Variants in PIKFYVE observed in about 807,000 individuals in gnomAD.
PIKFYVE encodes 1-phosphatidylinositol 3-phosphate 5-kinase.
Under a neutral mutation model 257.9 loss-of-function variants are expected in PIKFYVE, and 122 were observed. The observed-to-expected ratio is 0.47, with a 90% CI of 0.41 to 0.55. The LOEUF is 0.55. PIKFYVE is among the 20% of genes least tolerant of loss of function. The pLI is 0.00. For missense variants in PIKFYVE, 2,160 were observed against 2,536.6 expected (o/e 0.85, Z 3.19); for synonymous variants, 892 against 868.9 (o/e 1.03, Z -0.47).
Position 208,354,566 on chromosome 2 carries a change from C to T in PIKFYVE, c.6107-5C>T. ...ATTGCTAATTTCACTCCTTCTACCCCCCAGATTATATTCGAACATTTACAT... is the reference window on the plus strand; with the variant it reads ...ATTGCTAATTTCACTCCTTCTACCCTCCAGATTATATTCGAACATTTACAT... On this transcript the variant is annotated splice_polypyrimidine_tract_variant and splice_region_variant and intron_variant, in intron 40 of 41. Transcript: ENST00000264380. 6.2e-7 allele frequency: 1 copy of T among 1,608,902 alleles called. No individual in the cohort carries two copies. Among genetic ancestry groups the T allele is most frequent in the African/African-American group, 1.3e-5 (1 of 74,906 alleles).
chr2:208,304,794 T>G, intron 11 of PIKFYVE, 52 bp from the exon 12 acceptor site: 1 of 1,576,484 alleles, frequency 6.3e-7, no homozygotes, highest in South Asian at 1.1e-5. Context: ...ATAAAACCCA[T>G]TTTTACTCCC....
intron 29 of PIKFYVE, 40 bp from the exon 30 acceptor site, chr2:208,339,378 T>G: frequency 1.9e-6 from 3 of 1,605,446 alleles, no homozygotes; most frequent in Non-Finnish European, 2.6e-6. Context: ...ATGGACTTAA[T>G]GTATGTAAAT....
chr2:208,307,347 A>G (rs1297116497), intron 12 of PIKFYVE, among the ~76,000 whole-genome samples: 7 of 152,230 alleles, frequency 4.6e-5, no homozygotes, highest in Non-Finnish European at 1.0e-4. Context: ...TCTTTAGACT[A>G]ACTTTATCAG....
Position 208,328,272 on chromosome 2 carries a change from C to G in PIKFYVE, c.3711C>G (p.Val1237=). 1 of 1,613,746 alleles carries G rather than the reference C, an allele frequency of 6.2e-7. No homozygotes were observed. Among genetic ancestry groups the G allele is most frequent in the Non-Finnish European group, 8.5e-7 (1 of 1,179,816 alleles). The change falls in exon 21 of 42, where the codon GTC becomes GTG. Residue 1237 remains valine, a synonymous_variant. Coordinates refer to ENST00000264380, the MANE Select transcript of PIKFYVE (RefSeq NM_015040.4). The part of the protein sequence containing the change: ...AQSSNAPSAC[V]SPWIVTMEFY... ...CCAGCAATGCTCCTAGTGCCTGTGT[C>G]AGTCCTTGGTAGGATTCTTTTCCCC...
At chr2:208,344,674 G>A (rs748089663) in intron 32 of PIKFYVE, among the ~76,000 whole-genome samples, 1 of 149,528 alleles carries the variant, frequency 6.7e-6, no homozygotes, top group Admixed American at 6.7e-5. Flanking sequence ...CTAAGAGTCA[G>A]GTTTTTTTTT....
chr2:208,315,200 AATC>A lies in PIKFYVE; in HGVS notation c.1837_1839del (p.His613del). The stretch of plus-strand genomic sequence containing the variant: ...CTTATAATATTTTTGTAGTTCAGCT[AATC>A]ATAACCACATGATGGCACTACTCCA... On this transcript the variant is annotated inframe_deletion, in exon 15 of 42. Transcript: ENST00000264380. The A allele has an allele frequency of 6.2e-7, 1 of 1,613,268 alleles. No individual in the cohort carries two copies. The highest frequency in any genetic ancestry group is 8.5e-7 in the Non-Finnish European group (1 of 1,179,286).
intron 35 of PIKFYVE, among the ~76,000 whole-genome samples, chr2:208,348,599 AGTGTGTGTGTGTGTGT>A (rs35997291): frequency 7.8e-5 from 10 of 128,986 alleles, no homozygotes; most frequent in African/African-American, 1.2e-4. Flanking sequence ...AAAAAAAAAA[AGTGTGTGTGTGTGTGT>A]GTGTGTGTGT....
intron 31 of PIKFYVE, among the ~76,000 whole-genome samples, chr2:208,340,555 T>TA (rs1698599500): frequency 6.6e-6 from 1 of 152,230 alleles, no homozygotes; most frequent in Admixed American, 6.5e-5. Context: ...ATCTTTTTTT[T>TA]ATGGGGTGCA....
intron 37 of PIKFYVE, among the ~76,000 whole-genome samples, 185 bp from the exon 38 acceptor site, chr2:208,351,167 T>C (rs919122519): frequency 6.6e-6 from 1 of 152,228 alleles, no homozygotes; most frequent in African/African-American, 2.4e-5. Context: ...TTTTTGACTA[T>C]ATAAATCCAC....
chr2:208,304,729 G>A (rs1694109925), intron 11 of PIKFYVE, 117 bp from the exon 12 acceptor site: 2 of 941,780 alleles, frequency 2.1e-6, no homozygotes, highest in Non-Finnish European at 1.7e-6. Flanking sequence ...TTTTGGTATT[G>A]CACATTGGGC....
intron 7 of PIKFYVE, among the ~76,000 whole-genome samples, chr2:208,294,661 G>C (rs769834488): frequency 6.6e-6 from 1 of 152,100 alleles, no homozygotes; most frequent in Non-Finnish European, 1.5e-5. Context: ...AGGTGAGACA[G>C]AATGGCTGGA....
chr2:208,269,850 G>T, intron 1 of PIKFYVE: 1 of 292,234 alleles, frequency 3.4e-6, no homozygotes, highest in Admixed American at 4.4e-5. Context: ...TGGGATAGCT[G>T]GCTCAGCTTT....
Position 208,324,226 on chromosome 2 carries a change from A to T in PIKFYVE, c.2275A>T (p.Ile759Phe). ...LVLVEKTVSR[I>F]AQDMLLEHGI... The stretch of plus-strand genomic sequence containing the variant: ...TCTTGTTGAGAAAACAGTGTCTCGG[A>T]TTGCCCAGGACATGTTATTGGAACA... Residue 759 changes from isoleucine to phenylalanine, a missense_variant, in exon 18 of 42, where the codon ATT becomes TTT. Physicochemically the swap from Ile to Phe is conservative, Grantham distance 21. Coordinates refer to ENST00000264380, the MANE Select transcript of PIKFYVE (RefSeq NM_015040.4). 6.2e-7 allele frequency: 1 copy of T among 1,614,000 alleles called. No homozygotes were observed. The highest frequency in any genetic ancestry group is 8.5e-7 in the Non-Finnish European group (1 of 1,179,920).
chr2:208,309,310 A>G (rs1213356473), intron 12 of PIKFYVE, among the ~76,000 whole-genome samples: 1 of 152,220 alleles, frequency 6.6e-6, no homozygotes, highest in Non-Finnish European at 1.5e-5. Flanking sequence ...AGTTAAACAT[A>G]AAAGAATAAG....
intron 30 of PIKFYVE, 80 bp downstream of exon 30, chr2:208,339,635 C>A: frequency 6.5e-7 from 1 of 1,531,488 alleles, no homozygotes; most frequent in Non-Finnish European, 9.0e-7. Flanking sequence ...GAATTACAGC[C>A]ATTTCTCTAA....
At chr2:208,280,050 G>C (rs1024668982) in intron 5 of PIKFYVE, among the ~76,000 whole-genome samples, 1 of 151,938 alleles carries the variant, frequency 6.6e-6, no homozygotes, top group Non-Finnish European at 1.5e-5. Flanking sequence ...TCATATCCTA[G>C]TCAGCATTCT....
chr2:208,321,283 A>G (rs1181487274), intron 17 of PIKFYVE, among the ~76,000 whole-genome samples: 1 of 152,220 alleles, frequency 6.6e-6, no homozygotes, highest in African/African-American at 2.4e-5. Context: ...AACATTTAGG[A>G]AAAGCATTAC....
intron 38 of PIKFYVE, among the ~76,000 whole-genome samples, chr2:208,352,058 G>A (rs552377781): frequency 3.9e-4 from 59 of 152,202 alleles, no homozygotes; most frequent in African/African-American, 7.0e-4. Context: ...TATTTCCTGC[G>A]TTTGTTAGTG....
chr2:208,355,406 T>C lies in PIKFYVE; in HGVS notation c.*101T>C. 2 of 905,928 alleles carry C rather than the reference T, an allele frequency of 2.2e-6. No individual in the cohort carries two copies. The highest frequency in any genetic ancestry group is 3.5e-6 in the Non-Finnish European group (2 of 567,730). 56.1% of individuals were successfully genotyped at this position (905,928 alleles called of 1,614,324 possible). A position where few individuals can be genotyped will look rare whatever the true frequency, so the allele number is the denominator to read the frequency against. On this transcript the variant is annotated 3_prime_UTR_variant, in exon 42 of 42. Coordinates refer to ENST00000264380, the MANE Select transcript of PIKFYVE (RefSeq NM_015040.4). ...TTTATTTCTTCATCGTGTTCACCAC[T>C]GTATGCCAAGGCTTTTCAGTTCTGT...
Sources: allele counts gnomAD v4.1 joint callset (sites outside exome capture counted in the v4.1 genomes callset), GRCh38; gene constraint gnomAD v4.1.1; transcripts MANE v1.5; gene names NCBI Gene and HGNC (gene_info 2026-07-23, HGNC 2026-07-21).